The following ITGA11 variants were observed in gnomAD, a reference collection of about 807,000 sequenced individuals.
ITGA11 encodes the protein integrin alpha-11.
In ITGA11, 97 loss-of-function variants were observed where a neutral mutation model predicts 141.9. The ratio of observed to expected loss-of-function variants is 0.68; its 90% CI spans 0.58 to 0.81. The LOEUF is 0.81. ITGA11 is among the 30% of genes least tolerant of loss of function. ITGA11 has a pLI of 0.00. For synonymous variants in ITGA11, 658 were observed against 624.6 expected (o/e 1.05, Z -0.80); for missense variants, 1,387 against 1,559.2 (o/e 0.89, Z 1.86).
intron 10 of ITGA11, among the ~76,000 whole-genome samples, chr15:68,343,365 T>C (rs1307501647): frequency 6.6e-6 from 1 of 152,190 alleles, no homozygotes; most frequent in African/African-American, 2.4e-5. Flanking sequence ...TCTTACTTGA[T>C]TTATTAGTAA....
intron 28 of ITGA11, among the ~76,000 whole-genome samples, chr15:68,306,263 G>A (rs2140263712): frequency 6.6e-6 from 1 of 151,642 alleles, no homozygotes; most frequent in South Asian, 2.1e-4. Context: ...GGGGGTGGAA[G>A]AAGGAAAAGT....
intron 2 of ITGA11, among the ~76,000 whole-genome samples, chr15:68,374,791 A>T (rs995904715): frequency 3.9e-5 from 6 of 152,232 alleles, no homozygotes; most frequent in African/African-American, 1.4e-4. Flanking sequence ...ATGTGGGTTC[A>T]ATCCCCTCCC....
chr15:68,431,490 G>A (rs1259982322), intron 1 of ITGA11, among the ~76,000 whole-genome samples: 1 of 152,200 alleles, frequency 6.6e-6, no homozygotes, highest in Non-Finnish European at 1.5e-5. Context: ...GTCTTTGGCC[G>A]GAGGCACTCT....
intron 10 of ITGA11, among the ~76,000 whole-genome samples, chr15:68,341,771 G>A (rs946775640): frequency 6.6e-6 from 1 of 152,184 alleles, no homozygotes; most frequent in African/African-American, 2.4e-5. Flanking sequence ...AGATGACAGG[G>A]AGCCCCTGTG....
rs368905309 is a variant in ITGA11 at position 68,348,862 on chromosome 15, A to C, written c.1099T>G (p.Ser367Ala). Reference sequence around the variant, plus strand: ...ACGTGCGAGGAAAAGCCCGTCTGTGACATCTCCAGCCCAAAGGAGGTCTCG... The same window carrying C: ...ACGTGCGAGGAAAAGCCCGTCTGTGCCATCTCCAGCCCAAAGGAGGTCTCG... ...KNETSFGLEM[S>A]QTGFSSHVVE... The change falls in exon 10 of 30, where the codon TCA (serine) becomes GCA (alanine). Residue 367 changes from serine to alanine, a missense_variant. By Grantham distance (99) the Ser-to-Ala change is moderately conservative. Coordinates refer to ENST00000315757, the MANE Select transcript of ITGA11 (RefSeq NM_001004439.2). 3.9e-5 allele frequency: 63 copies of C among 1,609,404 alleles called. No homozygotes were observed. The African/African-American group carries it at 6.5e-4, about 17-fold the overall frequency.
Position 68,302,084 on chromosome 15 carries a change from GTGTGTGTGTGTGTGTGTGTGT to G in ITGA11, c.*954_*974del, listed in dbSNP as rs1305861587. The G allele has an allele frequency of 4.2e-5, 3 of 71,758 alleles. No individual in the cohort carries two copies. The highest frequency in any genetic ancestry group is 1.9e-4 in the African/African-American group (3 of 15,788). The allele number at this position is 71,758 out of a possible 1,614,324, so 4.4% of individuals were successfully genotyped here. On this transcript the variant is annotated 3_prime_UTR_variant, in exon 30 of 30. Coordinates refer to ENST00000315757, the MANE Select transcript of ITGA11 (RefSeq NM_001004439.2). ...TGTGTGTGTGTGTGTGTGTGTGTGT[GTGTGTGTGTGTGTGTGTGTGT>G]GTGTGTGTGTAGGGAGGGGGTGATA...
intron 2 of ITGA11, among the ~76,000 whole-genome samples, chr15:68,397,586 A>T (rs867266097): frequency 1.7e-4 from 6 of 34,452 alleles, no homozygotes; most frequent in South Asian, 1.7e-3. Context: ...TTATATTTAA[A>T]ATATTATAAA....
At position 68,402,924 on chromosome 15, in the gene ITGA11, T is replaced by C. The variant is rs1160425641; in HGVS notation, c.158A>G (p.Asn53Ser). The C allele has an allele frequency of 6.2e-7, 1 of 1,611,806 alleles. No homozygotes were observed. Among genetic ancestry groups the C allele is most frequent in the Admixed American group, 1.7e-5 (1 of 59,898 alleles). The part of the protein sequence containing the change: ...YTVQQHDISG[N>S]KWLVVGAPLE... The stretch of plus-strand genomic sequence containing the variant: ...GGCGGCCGCTCTCACTCACCACTTA[T>C]TGCCACTGATGTCGTGCTGCTGCAC... Residue 53 changes from asparagine to serine, a missense_variant, in exon 2 of 30, where the codon AAT becomes AGT. By Grantham distance (46) the Asn-to-Ser change is conservative (BLOSUM62 1). Transcript: ENST00000315757.
chr15:68,360,487 G>A (rs907685595), intron 5 of ITGA11, among the ~76,000 whole-genome samples: 1 of 152,008 alleles, frequency 6.6e-6, no homozygotes, highest in Non-Finnish European at 1.5e-5. Flanking sequence ...ACACTCACAC[G>A]CACGCATGCA....
intron 1 of ITGA11, among the ~76,000 whole-genome samples, chr15:68,426,199 G>C (rs1001723366): frequency 1.3e-5 from 2 of 152,246 alleles, no homozygotes; most frequent in Non-Finnish European, 2.9e-5. Context: ...TCAAGGCACA[G>C]CCAGTTGAAA....
chr15:68,412,738 T>C (rs1236573776), intron 1 of ITGA11, among the ~76,000 whole-genome samples: 1 of 140,868 alleles, frequency 7.1e-6, no homozygotes, highest in Non-Finnish European at 1.5e-5. Flanking sequence ...TACAATGGTG[T>C]AATCTCGGCT....
At chr15:68,368,231 GA>G (rs1363856254) in intron 3 of ITGA11, among the ~76,000 whole-genome samples, 1 of 152,204 alleles carries the variant, frequency 6.6e-6, no homozygotes, top group African/African-American at 2.4e-5. Flanking sequence ...CTGGGGTGGA[GA>G]CCCCGCTCCT....
intron 15 of ITGA11, 29 bp downstream of exon 15, chr15:68,330,952 C>T: frequency 6.2e-7 from 1 of 1,613,226 alleles, no homozygotes; most frequent in African/African-American, 1.3e-5. Flanking sequence ...CAGGAGAGCC[C>T]AGGAGGTGGG....
chr15:68,315,680 G>T lies in ITGA11; in HGVS notation c.2763C>A (p.His921Gln). Reference protein sequence around the residue: ...DFEFSKSIFLHHLEIELAAGS... With the variant: ...DFEFSKSIFLQHLEIELAAGS... The stretch of plus-strand genomic sequence containing the variant: ...CTGCAGCGAGCTCGATCTCCAGGTG[G>T]TGTAGGAAGATGGATTTGCTGAACT... Residue 921 changes from histidine to glutamine, a missense_variant, in exon 22 of 30, where the codon CAC becomes CAA. Coordinates refer to ENST00000315757, the MANE Select transcript of ITGA11 (RefSeq NM_001004439.2). 6.2e-7 allele frequency: 1 copy of T among 1,613,522 alleles called. No homozygotes were observed. Among genetic ancestry groups the T allele is most frequent in the Non-Finnish European group, 8.5e-7 (1 of 1,179,684 alleles).
intron 3 of ITGA11, 65 bp from the exon 4 acceptor site, chr15:68,364,863 G>T: frequency 6.7e-7 from 1 of 1,483,878 alleles, no homozygotes; most frequent in Non-Finnish European, 9.4e-7. Flanking sequence ...AGAGCCTGCT[G>T]CTGGTCTGGT....
chr15:68,332,076 G>C lies in ITGA11; in HGVS notation c.1567-14C>G, dbSNP rs1293366241. The C allele has an allele frequency of 1.9e-6, 3 of 1,571,770 alleles. No homozygotes were observed. Among genetic ancestry groups the C allele is most frequent in the Admixed American group, 1.9e-5 (1 of 53,552 alleles). On this transcript the variant is annotated splice_polypyrimidine_tract_variant and intron_variant, in intron 13 of 29. Coordinates refer to ENST00000315757, the MANE Select transcript of ITGA11 (RefSeq NM_001004439.2). The stretch of plus-strand genomic sequence containing the variant: ...AACAAACAGGTTCTGCAAAACCAGG[G>C]GCAGAAAAAGGCTGGGGAGGGTTTG...
At chr15:68,316,035 G>C (rs989367236) in intron 21 of ITGA11, among the ~76,000 whole-genome samples, 5 of 152,362 alleles carry the variant, frequency 3.3e-5, no homozygotes, top group Admixed American at 3.3e-4. Context: ...AAAGCAGCAA[G>C]TCCAGCTCCA....
At chr15:68,377,095 CT>C (rs1262263914) in intron 2 of ITGA11, among the ~76,000 whole-genome samples, 1 of 152,180 alleles carries the variant, frequency 6.6e-6, no homozygotes, top group African/African-American at 2.4e-5. Context: ...TTGATTTTAT[CT>C]ATTTATTTTT....
intron 24 of ITGA11, among the ~76,000 whole-genome samples, chr15:68,312,535 T>A (rs576756963): frequency 1.3e-5 from 2 of 152,174 alleles, no homozygotes; most frequent in Admixed American, 1.3e-4. Flanking sequence ...ATTTAAGAAT[T>A]TTAGGCAACC....
Sources: gnomAD v4.1 joint callset for allele counts (sites outside exome capture counted in the v4.1 genomes callset) on GRCh38, gnomAD v4.1.1 for gene constraint, MANE v1.5 for transcripts, NCBI Gene and HGNC (gene_info 2026-07-23, HGNC 2026-07-21) for gene names.